TCF4: variants seen among roughly 807,000 people sequenced by gnomAD.
TCF4 encodes the protein transcription factor 4, also known as SL3-3 enhancer factor 2.
TCF4 carries 3 observed loss-of-function variants against 82.1 expected under a neutral mutation model. The ratio of observed to expected loss-of-function variants is 0.04; its 90% CI spans 0.02 to 0.09. The LOEUF (loss-of-function observed/expected upper bound fraction) is 0.09. Among genes scored for constraint, TCF4 ranks in the 10% least tolerant of loss-of-function variants. The pLI is 1.00. For missense variants in TCF4, 518 were observed against 852.7 expected, an observed-to-expected ratio of 0.61 and a Z score of 4.89; for synonymous variants, 276 against 309.6, an observed-to-expected ratio of 0.89 and a Z score of 1.14.
intron 6 of TCF4, among the ~76,000 whole-genome samples, chr18:55,371,275 G>GA (rs1216005908): frequency 6.6e-6 from 1 of 152,142 alleles, no homozygotes; most frequent in Non-Finnish European, 1.5e-5. Flanking sequence ...GAAAGAGTTT[G>GA]AAAAAAGAGG....
At chr18:55,365,157 AT>A (rs2086548866) in intron 6 of TCF4, among the ~76,000 whole-genome samples, 3 of 12,222 alleles carry the variant, frequency 2.5e-4, no homozygotes, top group Admixed American at 2.1e-3. Context: ...CATCTCCAAA[AT>A]ATATATATAT....
At chr18:55,630,372 T>G (rs1195069388) in intron 2 of TCF4, among the ~76,000 whole-genome samples, 2 of 152,212 alleles carry the variant, frequency 1.3e-5, no homozygotes, top group African/African-American at 4.8e-5. Context: ...TGCATACTAT[T>G]TCAATGGCAC....
At chr18:55,401,242 T>A (rs1211398041) in intron 6 of TCF4, 1 of 1,189,804 alleles carries the variant, frequency 8.4e-7, no homozygotes, top group Non-Finnish European at 1.1e-6. Flanking sequence ...AGTCCCTATT[T>A]TCCCTCTGTC....
At chr18:55,487,388 T>G (rs1287913542) in intron 3 of TCF4, among the ~76,000 whole-genome samples, 2 of 152,198 alleles carry the variant, frequency 1.3e-5, no homozygotes, top group African/African-American at 4.8e-5. Context: ...GATGCAAGCT[T>G]CAGAAGGACA....
At chr18:55,232,346 A>C in intron 17 of TCF4, 163 bp downstream of exon 17, 3 of 710,970 alleles carry the variant, frequency 4.2e-6, no homozygotes, top group Non-Finnish European at 4.6e-6. Flanking sequence ...GAGTACAGGT[A>C]TCTGAAACGA....
chr18:55,285,218 A>C (rs2063429547), intron 8 of TCF4, among the ~76,000 whole-genome samples: 1 of 152,198 alleles, frequency 6.6e-6, no homozygotes, highest in Non-Finnish European at 1.5e-5. Flanking sequence ...GATTACTAGA[A>C]ATCACCCAGC....
At chr18:55,257,904 A>G (rs2057230325) in intron 13 of TCF4, among the ~76,000 whole-genome samples, 1 of 152,216 alleles carries the variant, frequency 6.6e-6, no homozygotes, top group Non-Finnish European at 1.5e-5. Flanking sequence ...TTTAAAGTCA[A>G]TATACAGCAA....
At chr18:55,377,518 A>T in intron 6 of TCF4, among the ~76,000 whole-genome samples, 1 of 152,250 alleles carries the variant, frequency 6.6e-6, no homozygotes, top group Admixed American at 6.5e-5. Context: ...AAGAAATGTT[A>T]TTTTAAGTAG....
chr18:55,415,953 G>T (rs1213839007), intron 5 of TCF4, among the ~76,000 whole-genome samples: 1 of 152,070 alleles, frequency 6.6e-6, no homozygotes, highest in Non-Finnish European at 1.5e-5. Context: ...CAACCCTAAA[G>T]CAATCAAATA....
rs141063575 is a variant in TCF4 at position 55,534,387 on chromosome 18, C to T, written c.145+50893G>A. ...GTAAGTTCCATGAAGAAAAATACAG[C>T]AAATAAGGGCACTGGGGGTGCTTTA... On this transcript the variant is annotated intron_variant, in intron 3 of 19. Transcript: ENST00000354452. Among the ~76,000 whole-genome samples, 189 of 152,238 alleles carry T rather than the reference C, an allele frequency of 1.2e-3. 6 individuals carry two copies. In the East Asian group the frequency reaches 0.035, roughly 29 times the overall value.
intron 8 of TCF4, among the ~76,000 whole-genome samples, chr18:55,289,667 T>C (rs2064555044): frequency 6.6e-6 from 1 of 152,176 alleles, no homozygotes; most frequent in Admixed American, 6.5e-5. Context: ...TGCCAAAAAA[T>C]AGCTTTGTGA....
intron 8 of TCF4, among the ~76,000 whole-genome samples, chr18:55,296,818 T>G (rs1366319745): frequency 2.0e-5 from 3 of 152,122 alleles, no homozygotes; most frequent in Non-Finnish European, 4.4e-5. Context: ...AAACTGCATA[T>G]AATTAAGTGT....
intron 3 of TCF4, among the ~76,000 whole-genome samples, chr18:55,489,895 CA>C (rs1430685780): frequency 6.6e-6 from 1 of 152,186 alleles, no homozygotes; most frequent in African/African-American, 2.4e-5. Flanking sequence ...TGATGAAAAG[CA>C]GTCGTCATTT....
upstream of TCF4, among the ~76,000 whole-genome samples, chr18:55,592,324 AG>A (rs1241718184): frequency 6.6e-6 from 1 of 152,198 alleles, no homozygotes; most frequent in Non-Finnish European, 1.5e-5. Flanking sequence ...GAGGCTACAA[AG>A]TCTGACATCA....
chr18:55,240,971 T>C (rs995240169), intron 15 of TCF4, among the ~76,000 whole-genome samples: 1 of 152,238 alleles, frequency 6.6e-6, no homozygotes, highest in African/African-American at 2.4e-5. Flanking sequence ...AAATGTAAGG[T>C]AATTCCTTAT....
At chr18:55,470,710 T>C (rs2096156963) in intron 3 of TCF4, among the ~76,000 whole-genome samples, 1 of 152,216 alleles carries the variant, frequency 6.6e-6, no homozygotes, top group Non-Finnish European at 1.5e-5. Flanking sequence ...CCCAGGACCC[T>C]AGAGTTTTAT....
chr18:55,292,474 A>G (rs971830191), intron 8 of TCF4, among the ~76,000 whole-genome samples: 2 of 152,196 alleles, frequency 1.3e-5, no homozygotes, highest in Non-Finnish European at 2.9e-5. Flanking sequence ...TACACAACAA[A>G]AGGCTCAGGA....
upstream of TCF4, among the ~76,000 whole-genome samples, chr18:55,592,901 A>T (rs925239415): frequency 1.3e-5 from 2 of 152,114 alleles, no homozygotes; most frequent in East Asian, 3.9e-4. Flanking sequence ...AGTCCTAGAG[A>T]TTCTTTCCCA....
intron 5 of TCF4, among the ~76,000 whole-genome samples, chr18:55,434,589 T>A (rs989599392): frequency 2.6e-5 from 4 of 151,110 alleles, no homozygotes; most frequent in Admixed American, 2.0e-4. Flanking sequence ...CCGGCTAATT[T>A]TTTTTTTTTT....
Sources: gnomAD v4.1 joint callset for allele counts (sites outside exome capture counted in the v4.1 genomes callset) on GRCh38, gnomAD v4.1.1 for gene constraint, MANE v1.5 for transcripts, NCBI Gene and HGNC (gene_info 2026-07-23, HGNC 2026-07-21) for gene names.